The following ASB6 variants were observed in gnomAD, a reference collection of about 807,000 sequenced individuals.
The protein encoded by ASB6 is ankyrin repeat and SOCS box containing 6, also known as ankyrin repeat and SOCS box protein 6.
ASB6 carries 24 observed loss-of-function variants against 28.6 expected under a neutral mutation model. The ratio of observed to expected loss-of-function variants is 0.84; its 90% CI spans 0.61 to 1.18. ASB6 has a LOEUF of 1.18. Among genes scored for constraint, ASB6 ranks in the 50% most tolerant of loss-of-function variants. ASB6 has a pLI of 0.00. For synonymous variants in ASB6, 267 were observed against 243.4 expected (o/e 1.10, Z -0.90); for missense variants, 519 against 559.8 (o/e 0.93, Z 0.74).
rs780849303 is a variant in ASB6 at position 129,638,042 on chromosome 9, C to G, written c.1014G>C (p.Gln338His). The change falls in exon 6 of 6, where the codon CAG becomes CAC. Residue 338 changes from glutamine (Q) to histidine (H), a missense_variant. Physicochemically the swap from Gln to His is conservative, Grantham distance 24. Coordinates refer to ENST00000277458, the MANE Select transcript of ASB6 (RefSeq NM_017873.4). ...CGAAGTTTTCGGGCAGCTGGAGTTT[C>G]TGAGAGTTGGTCACCATGAGATCCA... ...TVLDLMVTNS[Q>H]KLQLPENFDI... The G allele has an allele frequency of 6.2e-7, 1 of 1,614,152 alleles. No homozygotes were observed. Among genetic ancestry groups the G allele is most frequent in the Non-Finnish European group, 8.5e-7 (1 of 1,180,032 alleles).
chr9:129,635,184 T>G lies in ASB6; in HGVS notation c.*2606A>C, dbSNP rs1434371353. On this transcript the variant is annotated 3_prime_UTR_variant, in exon 6 of 6. Transcript: ENST00000277458. ...GACATCCGCTTGCATGGTGCCCTGGTAACCTTGCCTCTGCCCTCCCCAGGC... is the reference window on the plus strand; with the variant it reads ...GACATCCGCTTGCATGGTGCCCTGGGAACCTTGCCTCTGCCCTCCCCAGGC... The G allele has an allele frequency of 1.3e-6, 2 of 1,595,864 alleles. No homozygotes were observed. Among genetic ancestry groups the G allele is most frequent in the East Asian group, 4.5e-5 (2 of 44,654 alleles).
chr9:129,635,044 T>C lies in ASB6; in HGVS notation c.*2746A>G, dbSNP rs1831448703. 6.6e-6 allele frequency: 5 copies of C among 762,332 alleles called. No homozygotes were observed. Among genetic ancestry groups the C allele is most frequent in the Admixed American group, 2.6e-5 (1 of 37,954 alleles). 47.2% of individuals were successfully genotyped at this position (762,332 alleles called of 1,614,324 possible). ...GAGCCACAGTTTCCTATTCTATGAA[T>C]TGGGGTTTAGTAAATCTCTCGGGAC... On this transcript the variant is annotated 3_prime_UTR_variant, in exon 6 of 6. Coordinates refer to ENST00000277458, the MANE Select transcript of ASB6 (RefSeq NM_017873.4).
chr9:129,638,470 T>C lies in ASB6; in HGVS notation c.599-13A>G, dbSNP rs749856472. The C allele has an allele frequency of 1.7e-5, 27 of 1,608,706 alleles. No individual in the cohort carries two copies. The South Asian group carries it at 1.9e-4, about 11-fold the overall frequency. The stretch of plus-strand genomic sequence containing the variant: ...TTGACGTCTGCCCCTAGAAGAGCCA[T>C]AGAACAAGAGATGCTGGGAGAAGGC... On this transcript the variant is annotated splice_polypyrimidine_tract_variant and intron_variant, in intron 5 of 5. Coordinates refer to ENST00000277458, the MANE Select transcript of ASB6 (RefSeq NM_017873.4).
Position 129,638,032 on chromosome 9 carries a change from G to A in ASB6, c.1024C>T (p.Leu342=). ...LMVTNSQKLQ[L]PENFDIHPVG... The stretch of plus-strand genomic sequence containing the variant: ...GGGTGGATATCGAAGTTTTCGGGCA[G>A]CTGGAGTTTCTGAGAGTTGGTCACC... The change falls in exon 6 of 6, where the codon CTG becomes TTG. Residue 342 remains leucine, a synonymous_variant. Transcript: ENST00000277458. The A allele has an allele frequency of 1.2e-6, 2 of 1,614,174 alleles. No individual in the cohort carries two copies. Among genetic ancestry groups the A allele is most frequent in the Non-Finnish European group, 1.7e-6 (2 of 1,180,014 alleles).
At position 129,635,414 on chromosome 9, in the gene ASB6, G is replaced by C; in HGVS notation, c.*2376C>G. The C allele has an allele frequency of 1.2e-6, 2 of 1,613,542 alleles. No individual in the cohort carries two copies. Among genetic ancestry groups the C allele is most frequent in the African/African-American group, 1.3e-5 (1 of 75,050 alleles). On this transcript the variant is annotated 3_prime_UTR_variant, in exon 6 of 6. Coordinates refer to ENST00000277458, the MANE Select transcript of ASB6 (RefSeq NM_017873.4). ...CAGCCTCCTGGCCGAGGAGAGGCAG[G>C]AGAACCTCCCCGATGAGATCTACCA...
chr9:129,636,614 T>C lies in ASB6; in HGVS notation c.*1176A>G, dbSNP rs1831561157. 1 of 151,234 alleles carries C rather than the reference T, an allele frequency of 6.6e-6. No homozygotes were observed. Among genetic ancestry groups the C allele is most frequent in the Non-Finnish European group, 1.5e-5 (1 of 67,818 alleles). The allele number at this position is 151,234 out of a possible 1,614,324, so 9.4% of individuals were successfully genotyped here. ...CAGGAGGCTGAGGCAGGAGAACTGCTTGAACCTGGGAGGCAGAGGTCGCAG... is the reference window on the plus strand; with the variant it reads ...CAGGAGGCTGAGGCAGGAGAACTGCCTGAACCTGGGAGGCAGAGGTCGCAG... On this transcript the variant is annotated 3_prime_UTR_variant, in exon 6 of 6. Coordinates refer to ENST00000277458, the MANE Select transcript of ASB6 (RefSeq NM_017873.4).
Position 129,635,243 on chromosome 9 carries a change from C to T in ASB6, c.*2547G>A, listed in dbSNP as rs893803770. 12 of 1,612,254 alleles carry T rather than the reference C, an allele frequency of 7.4e-6. No individual in the cohort carries two copies. The highest frequency in any genetic ancestry group is 2.7e-5 in the African/African-American group (2 of 74,948). On this transcript the variant is annotated 3_prime_UTR_variant, in exon 6 of 6. Coordinates refer to ENST00000277458, the MANE Select transcript of ASB6 (RefSeq NM_017873.4). ...CGATCAGCACCTGGCCGAGTTCCTG[C>T]GGCGCTGCAAGGGCAGCCTCCGCCC...
chr9:129,638,062 G>T lies in ASB6; in HGVS notation c.994C>A (p.Leu332Ile). Residue 332 changes from leucine (L) to isoleucine (I), a missense_variant, in exon 6 of 6, where the codon CTC becomes ATC. Transcript: ENST00000277458. ...AGTTTCTGAGAGTTGGTCACCATGA[G>T]ATCCAGGACAGTCTCAGCTTTGCGC... ...LLRKAETVLDLMVTNSQKLQL... is the reference protein window; with the variant it reads ...LLRKAETVLDIMVTNSQKLQL... 6.2e-7 allele frequency: 1 copy of T among 1,614,212 alleles called. No individual in the cohort carries two copies.
At chr9:129,639,176 C>A (rs1262521058) in intron 4 of ASB6, 26 bp downstream of exon 4, 1 of 1,581,942 alleles carries the variant, frequency 6.3e-7, no homozygotes, top group African/African-American at 1.3e-5. Flanking sequence ...GCCCAGCTGT[C>A]CTGCTTTCCT....
chr9:129,637,425 G>A lies in ASB6; in HGVS notation c.*365C>T, dbSNP rs927479785. On this transcript the variant is annotated 3_prime_UTR_variant, in exon 6 of 6. Coordinates refer to ENST00000277458, the MANE Select transcript of ASB6 (RefSeq NM_017873.4). ...CCTCTCCAGCTGCACTGCCACGTGC[G>A]GCCAACAAGAGCCCCGCAGCCCTGG... is the stretch of plus-strand genomic sequence containing the variant. 2.9e-5 allele frequency: 5 copies of A among 172,652 alleles called. No homozygotes were observed. Among genetic ancestry groups the A allele is most frequent in the Admixed American group, 1.3e-4 (2 of 15,938 alleles). 10.7% of individuals were successfully genotyped at this position (172,652 alleles called of 1,614,324 possible). A position where few individuals can be genotyped will look rare whatever the true frequency, so the allele number is the denominator to read the frequency against.
chr9:129,642,063 G>A lies in ASB6; in HGVS notation c.-64C>T. 3 of 1,493,816 alleles carry A rather than the reference G, an allele frequency of 2.0e-6. No homozygotes were observed. The highest frequency in any genetic ancestry group is 2.7e-5 in the East Asian group (1 of 36,372). The allele number at this position is 1,493,816 out of a possible 1,614,324, so 92.5% of individuals were successfully genotyped here. Reference sequence around the variant, plus strand: ...GCCGAGGCCGAGATGCCCAGACGCCGACCGGAACGCTCCGGCGGCCGCGGA... The same window carrying A: ...GCCGAGGCCGAGATGCCCAGACGCCAACCGGAACGCTCCGGCGGCCGCGGA... On this transcript the variant is annotated 5_prime_UTR_variant, in exon 1 of 6. Coordinates refer to ENST00000277458, the MANE Select transcript of ASB6 (RefSeq NM_017873.4). This position sits in a 1 kb window ranked among gnomAD's most constrained non-coding sequence, Gnocchi z 4.3.
intron 1 of ASB6, chr9:129,640,985 T>C (rs149725494): frequency 1.4e-4 from 60 of 433,906 alleles, no homozygotes; most frequent in Non-Finnish European, 2.2e-4. Context: ...GGTCGCAGAC[T>C]TAGGTACAAA....
In ASB6 at chr9:129,639,388, G is replaced by A. The variant is rs762336302; in HGVS notation, c.402+14C>T. On this transcript the variant is annotated intron_variant, in intron 3 of 5. Transcript: ENST00000277458. ...CCCAACCCTGCTTCAAAGCAAGCTG[G>A]ACCTGGCACTTACCCGGTCCCTCCG... is the stretch of plus-strand genomic sequence containing the variant. The A allele has an allele frequency of 1.2e-6, 2 of 1,605,658 alleles. No homozygotes were observed. The highest frequency in any genetic ancestry group is 4.5e-5 in the East Asian group (2 of 44,594).
In ASB6 at chr9:129,637,716, T is replaced by C; in HGVS notation, c.*74A>G. The C allele has an allele frequency of 7.2e-7, 1 of 1,388,796 alleles. No homozygotes were observed. Among genetic ancestry groups the C allele is most frequent in the South Asian group, 1.5e-5 (1 of 64,762 alleles). 86.0% of individuals were successfully genotyped at this position (1,388,796 alleles called of 1,614,324 possible). ...CTCCCAGATCAAAAAGACCCTCTTC[T>C]AATGCTGTCCCAGCATCTACCAACA... is the stretch of plus-strand genomic sequence containing the variant. On this transcript the variant is annotated 3_prime_UTR_variant, in exon 6 of 6. Coordinates refer to ENST00000277458, the MANE Select transcript of ASB6 (RefSeq NM_017873.4).
chr9:129,639,696 T>C (rs1315808628), intron 2 of ASB6, among the ~76,000 whole-genome samples, 188 bp from the exon 3 acceptor site: 1 of 152,204 alleles, frequency 6.6e-6, no homozygotes, highest in African/African-American at 2.4e-5. Context: ...GGTGTTCTAG[T>C]GGGCACGCTA....
In ASB6 at chr9:129,638,042, C is replaced by T. The variant is rs780849303; in HGVS notation, c.1014G>A (p.Gln338=). Residue 338 remains glutamine, a synonymous_variant, in exon 6 of 6, where the codon CAG becomes CAA. Transcript: ENST00000277458. ...TVLDLMVTNS[Q]KLQLPENFDI... is the part of the protein sequence containing the mutation. ...CGAAGTTTTCGGGCAGCTGGAGTTT[C>T]TGAGAGTTGGTCACCATGAGATCCA... 1 of 1,614,034 alleles carries T rather than the reference C, an allele frequency of 6.2e-7. No individual in the cohort carries two copies. Among genetic ancestry groups the T allele is most frequent in the Non-Finnish European group, 8.5e-7 (1 of 1,180,040 alleles).
In ASB6 at chr9:129,639,502, A is replaced by C; in HGVS notation, c.302T>G (p.Val101Gly). Residue 101 changes from valine (V) to glycine (G), a missense_variant, in exon 3 of 6, where the codon GTC (valine) becomes GGC (glycine). Val to Gly is a moderately radical substitution (Grantham distance 109, BLOSUM62 -3). Transcript: ENST00000277458. ...HGANLNFEDP[V>G]TYYTALHIAV... Reference sequence around the variant, plus strand: ...GATGTGCAAGGCCGTGTAGTAGGTGACTGGGTCTGAAGGTGCAGACACAGC... The same window carrying C: ...GATGTGCAAGGCCGTGTAGTAGGTGCCTGGGTCTGAAGGTGCAGACACAGC... 6.2e-7 allele frequency: 1 copy of C among 1,612,546 alleles called. No individual in the cohort carries two copies. The highest frequency in any genetic ancestry group is 8.5e-7 in the Non-Finnish European group (1 of 1,178,964).
intron 1 of ASB6, 81 bp from the exon 2 acceptor site, chr9:129,640,803 CCTG>C (rs1197207768): frequency 2.4e-5 from 37 of 1,520,256 alleles, no homozygotes; most frequent in Non-Finnish European, 3.2e-5. Flanking sequence ...GGGCTTTAGT[CCTG>C]CTATCATCAT....
At chr9:129,641,805 A>AC in intron 1 of ASB6, 82 bp downstream of exon 1, 1 of 1,372,860 alleles carries the variant, frequency 7.3e-7, no homozygotes, top group Non-Finnish European at 9.7e-7. Flanking sequence ...GGACGCATCC[A>AC]CCCCGCCCGG....
Sources: allele counts gnomAD v4.1 joint callset (sites outside exome capture counted in the v4.1 genomes callset), GRCh38; gene constraint gnomAD v4.1.1; non-coding constraint Gnocchi (gnomAD v3.1); transcripts MANE v1.5; gene names NCBI Gene and HGNC (gene_info 2026-07-23, HGNC 2026-07-21).